Variants in EBF1 observed in about 807,000 individuals in gnomAD.
The protein encoded by EBF1 is transcription factor COE1.
In EBF1, 10 loss-of-function variants were observed where a neutral mutation model predicts 68.4. That is an observed-to-expected ratio of 0.15 (90% CI 0.09 to 0.25). EBF1 has a LOEUF of 0.25. Among genes scored for constraint, EBF1 ranks in the 10% least tolerant of loss-of-function variants. The pLI, the probability that EBF1 is intolerant of heterozygous loss-of-function variation, is 1.00. For synonymous variants in EBF1, 298 were observed against 299.8 expected, an observed-to-expected ratio of 0.99 and a Z score of 0.06; for missense variants, 509 against 794.4, an observed-to-expected ratio of 0.64 and a Z score of 4.32.
At position 158,969,842 on chromosome 5, in the gene EBF1, GAGAAAGAAAGAAAGAAAGAAAGAAAGAA is replaced by G. The variant is rs1166776071; in HGVS notation, c.554+103526_554+103553del. ...GAAAGAAAGACAGAAAAGAAAGAAA[GAGAAAGAAAGAAAGAAAGAAAGAAAGAA>G]AGAAAGAAAGAAAGAAAGAAAGAAA... On this transcript the variant is annotated intron_variant, in intron 6 of 15. Transcript: ENST00000313708. Among the ~76,000 whole-genome samples, 4 of 67,534 alleles carry G rather than the reference GAGAAAGAAAGAAAGAAAGAAAGAAAGAA, an allele frequency of 5.9e-5. 1 individual carries two copies. The highest frequency in any genetic ancestry group is 6.5e-4 in the East Asian group (1 of 1,530). The allele number at this position is 67,534 out of a possible 152,430, so 44.3% of individuals were successfully genotyped here.
At chr5:158,729,246 G>A (rs969785188) in intron 11 of EBF1, among the ~76,000 whole-genome samples, 1 of 152,222 alleles carries the variant, frequency 6.6e-6, no homozygotes, top group South Asian at 2.1e-4. Flanking sequence ...GACCTAGGTT[G>A]CATAGCTAGC....
chr5:158,883,103 T>C (rs1474438493), intron 6 of EBF1, among the ~76,000 whole-genome samples: 1 of 151,906 alleles, frequency 6.6e-6, no homozygotes, highest in Non-Finnish European at 1.5e-5. Flanking sequence ...AAAATATGTA[T>C]GTAATGTTAA....
chr5:158,918,253 A>T lies in EBF1; in HGVS notation c.555-78143T>A, dbSNP rs78232821. On this transcript the variant is annotated intron_variant, in intron 6 of 15. Coordinates refer to ENST00000313708, the MANE Select transcript of EBF1 (RefSeq NM_024007.5). ...TTGCAACCTTGCTTATGGTGAAGGA[A>T]GTTGGTCTCCATCAGCATCATCTAG... is the stretch of plus-strand genomic sequence containing the variant. Among the ~76,000 whole-genome samples the T allele has an allele frequency of 4.6e-3, 697 of 152,310 alleles. 4 individuals carry two copies. Among genetic ancestry groups the T allele is most frequent in the African/African-American group, 0.015 (643 of 41,572 alleles).
intron 14 of EBF1, among the ~76,000 whole-genome samples, chr5:158,710,205 T>C (rs1561699235): frequency 1.3e-5 from 2 of 152,208 alleles, no homozygotes; most frequent in Admixed American, 6.5e-5. Context: ...GAGAGCATAT[T>C]TGAGAATTTA....
chr5:158,969,830 AAAAGAAAGAAAGAG>A (rs1168553477), intron 6 of EBF1, among the ~76,000 whole-genome samples: 3 of 141,322 alleles, frequency 2.1e-5, no homozygotes, highest in Admixed American at 7.3e-5. Flanking sequence ...AGAAAGACAG[AAAAGAAAGAAAGAG>A]AAAGAAAGAA....
Position 159,045,440 on chromosome 5 carries a change from A to G in EBF1, c.554+27956T>C, listed in dbSNP as rs371814517. 2.0e-3 allele frequency among the ~76,000 whole-genome samples: 268 copies of G among 137,230 alleles called. 1 individual carries two copies. Among genetic ancestry groups the G allele is most frequent in the African/African-American group, 6.4e-3 (212 of 33,262 alleles). 90.0% of individuals were successfully genotyped at this position (137,230 alleles called of 152,430 possible). A position where few individuals can be genotyped will look rare whatever the true frequency, so the allele number is the denominator to read the frequency against. On this transcript the variant is annotated intron_variant, in intron 6 of 15. Transcript: ENST00000313708. ...CCCCTTGTATTTAAAAGAAGAAGAA[A>G]AAAAAAAGAATCCTTGTCGTATTGG...
rs1206641434 is a variant in EBF1, at chr5:158,698,529, T to C, written c.*582A>G. 4.5e-6 allele frequency: 1 copy of C among 221,372 alleles called. No individual in the cohort carries two copies. Among genetic ancestry groups the C allele is most frequent in the Admixed American group, 5.8e-5 (1 of 17,364 alleles). The allele number at this position is 221,372 out of a possible 1,614,324, so 13.7% of individuals were successfully genotyped here. On this transcript the variant is annotated 3_prime_UTR_variant, in exon 16 of 16. Coordinates refer to ENST00000313708, the MANE Select transcript of EBF1 (RefSeq NM_024007.5). The stretch of plus-strand genomic sequence containing the variant: ...AAGGGGTGGCATGTTAAGTTAGATA[T>C]TGAAAATGCACTGTCTGAGCTAACT...
At chr5:158,828,380 A>G (rs1259915344) in intron 7 of EBF1, among the ~76,000 whole-genome samples, 2 of 152,198 alleles carry the variant, frequency 1.3e-5, no homozygotes, top group African/African-American at 2.4e-5. Context: ...AAATGAGGCC[A>G]TTAGAGAGGT....
chr5:158,810,919 C>G (rs983588654), intron 8 of EBF1, among the ~76,000 whole-genome samples: 1 of 152,262 alleles, frequency 6.6e-6, no homozygotes, highest in East Asian at 1.9e-4. Flanking sequence ...ATTACTAGGT[C>G]ATCTCCCAGC....
intron 5 of EBF1, among the ~76,000 whole-genome samples, chr5:159,083,237 A>G (rs1291509968): frequency 3.3e-5 from 5 of 152,254 alleles, no homozygotes; most frequent in Admixed American, 2.0e-4. Flanking sequence ...AAAGATAGTA[A>G]GAAGAAAGAG....
At chr5:158,710,584 T>C (rs1195920333) in intron 14 of EBF1, among the ~76,000 whole-genome samples, 7 of 152,028 alleles carry the variant, frequency 4.6e-5, no homozygotes, top group African/African-American at 1.7e-4. Context: ...ATTTGGGGAG[T>C]TGTAAATGTT....
chr5:158,933,539 T>C (rs1030408327), intron 6 of EBF1, among the ~76,000 whole-genome samples: 7 of 152,214 alleles, frequency 4.6e-5, no homozygotes, highest in Non-Finnish European at 7.4e-5. Context: ...CAACTACTCA[T>C]TAAAGGGTTC....
chr5:158,701,139 C>A (rs937213105), intron 15 of EBF1, among the ~76,000 whole-genome samples: 1 of 152,124 alleles, frequency 6.6e-6, no homozygotes, highest in Non-Finnish European at 1.5e-5. Context: ...TTAAAGACAG[C>A]GGGAGTTTTA....
intron 9 of EBF1, among the ~76,000 whole-genome samples, chr5:158,792,570 C>G (rs764504808): frequency 6.6e-6 from 1 of 152,146 alleles, no homozygotes. Flanking sequence ...CTTGTCCTAG[C>G]CTGCCAGCCT....
At chr5:159,026,456 A>C (rs950498074) in intron 6 of EBF1, among the ~76,000 whole-genome samples, 4 of 152,166 alleles carry the variant, frequency 2.6e-5, no homozygotes, top group Non-Finnish European at 5.9e-5. Context: ...CAAACCAAGC[A>C]AACATAGGAG....
intron 9 of EBF1, among the ~76,000 whole-genome samples, chr5:158,792,066 C>A (rs958442716): frequency 1.3e-5 from 2 of 152,124 alleles, no homozygotes; most frequent in African/African-American, 4.8e-5. Flanking sequence ...CAACCAAGTG[C>A]GGCTCTGGTC....
At chr5:158,747,924 G>A (rs1051595095) in intron 10 of EBF1, among the ~76,000 whole-genome samples, 8 of 152,134 alleles carry the variant, frequency 5.3e-5, no homozygotes, top group Non-Finnish European at 2.9e-5. Flanking sequence ...TTGCACAGCA[G>A]TAAGAGCTGA....
intron 6 of EBF1, among the ~76,000 whole-genome samples, chr5:158,849,105 C>G (rs76918065): frequency 0.022 from 3,408 of 152,266 alleles, 124 homozygotes; most frequent in African/African-American, 0.078. Flanking sequence ...GAAGACAACT[C>G]TTTACATTCA....
chr5:158,825,924 T>C (rs1281260809), intron 7 of EBF1, among the ~76,000 whole-genome samples: 1 of 141,390 alleles, frequency 7.1e-6, no homozygotes, highest in African/African-American at 2.6e-5. Context: ...ACTTGTAAAT[T>C]AAAAAAAAAA....
Sources: allele counts gnomAD v4.1 joint callset (sites outside exome capture counted in the v4.1 genomes callset), GRCh38; gene constraint gnomAD v4.1.1; transcripts MANE v1.5; gene names NCBI Gene and HGNC (gene_info 2026-07-23, HGNC 2026-07-21).